GPC6: variants seen among roughly 807,000 people sequenced by gnomAD.
GPC6 encodes the protein glypican-6.
Under a neutral mutation model 55.2 loss-of-function variants are expected in GPC6, and 14 were observed. The ratio of observed to expected loss-of-function variants is 0.25; its 90% CI spans 0.17 to 0.40. The LOEUF (loss-of-function observed/expected upper bound fraction) is 0.40, where lower values mean the gene tolerates loss of function less well. Ranked by LOEUF, GPC6 falls within the 10% of genes least tolerant of loss-of-function variation. The pLI is 1.00. For missense variants in GPC6, 641 were observed against 708.5 expected, an observed-to-expected ratio of 0.90 and a Z score of 1.08; for synonymous variants, 278 against 259.6, an observed-to-expected ratio of 1.07 and a Z score of -0.68.
chr13:94,070,907 T>C (rs934285128), intron 4 of GPC6, among the ~76,000 whole-genome samples: 13 of 151,744 alleles, frequency 8.6e-5, no homozygotes, highest in Non-Finnish European at 7.4e-5. Context: ...CCAACAAGAA[T>C]ACAAAGGAAA....
intron 4 of GPC6, among the ~76,000 whole-genome samples, chr13:94,120,323 A>G (rs1009480533): frequency 1.3e-5 from 2 of 152,106 alleles, no homozygotes; most frequent in East Asian, 3.9e-4. Flanking sequence ...AGGATTCAGC[A>G]GAAAACATTT....
chr13:94,183,734 T>C (rs538778521), intron 4 of GPC6, among the ~76,000 whole-genome samples: 2 of 152,322 alleles, frequency 1.3e-5, no homozygotes, highest in African/African-American at 2.4e-5. Flanking sequence ...TAATTGTTTC[T>C]TAGGATTCTT....
chr13:93,484,183 T>C (rs1879619121), intron 1 of GPC6, among the ~76,000 whole-genome samples: 2 of 152,186 alleles, frequency 1.3e-5, no homozygotes, highest in South Asian at 4.1e-4. Context: ...ATTCTCTCAC[T>C]ACTTGATGTA....
chr13:94,027,414 C>T (rs1032960179), intron 3 of GPC6, among the ~76,000 whole-genome samples: 17 of 152,126 alleles, frequency 1.1e-4, no homozygotes, highest in African/African-American at 3.6e-4. Flanking sequence ...ATAATACCTA[C>T]GTTTTTATGG....
intron 2 of GPC6, among the ~76,000 whole-genome samples, chr13:93,763,001 T>C (rs1275235512): frequency 1.3e-5 from 2 of 152,216 alleles, no homozygotes; most frequent in African/African-American, 2.4e-5. Context: ...GAGGCCCAGT[T>C]AGCTGGAGTG....
intron 3 of GPC6, among the ~76,000 whole-genome samples, chr13:94,014,349 T>C (rs1385827216): frequency 6.6e-6 from 1 of 152,182 alleles, no homozygotes; most frequent in African/African-American, 2.4e-5. Context: ...TCAGGGTTGA[T>C]ATTATTTAGA....
At chr13:94,272,134 G>A (rs1892047221) in intron 4 of GPC6, among the ~76,000 whole-genome samples, 2 of 151,894 alleles carry the variant, frequency 1.3e-5, no homozygotes, top group Admixed American at 6.6e-5. Flanking sequence ...AGGAAAAAAG[G>A]GCTCCCATTG....
chr13:93,309,911 G>A (rs1879007798), intron 1 of GPC6, among the ~76,000 whole-genome samples: 1 of 152,148 alleles, frequency 6.6e-6, no homozygotes, highest in South Asian at 2.1e-4. Flanking sequence ...GCATCTACTT[G>A]TATTGTAAAA....
rs374295248 is a variant in GPC6 at position 93,924,114 on chromosome 13, C to T, written c.711+93569C>T. On this transcript the variant is annotated intron_variant, in intron 3 of 8. Coordinates refer to ENST00000377047, the MANE Select transcript of GPC6 (RefSeq NM_005708.5). ...AGTCTACTGGCAACTTTCTAAATTA[C>T]GGGGTCTGTGAGCTCCTAAGTTATG... 5.3e-5 allele frequency among the ~76,000 whole-genome samples: 8 copies of T among 152,322 alleles called. No homozygotes were observed. In the East Asian group the frequency reaches 1.2e-3, roughly 22 times the overall value.
intron 2 of GPC6, among the ~76,000 whole-genome samples, chr13:93,717,232 G>A (rs1374519106): frequency 2.0e-5 from 3 of 151,626 alleles, no homozygotes; most frequent in Non-Finnish European, 4.4e-5. Context: ...TTCAACTTGA[G>A]TACTGTAGTT....
intron 5 of GPC6, among the ~76,000 whole-genome samples, chr13:94,289,311 T>C (rs993327325): frequency 1.3e-5 from 2 of 152,200 alleles, no homozygotes; most frequent in Non-Finnish European, 2.9e-5. Context: ...CCAGTTTGTC[T>C]TGAGTCTGCT....
chr13:93,311,121 A>T (rs1879051355), intron 1 of GPC6, among the ~76,000 whole-genome samples: 1 of 152,018 alleles, frequency 6.6e-6, no homozygotes, highest in Non-Finnish European at 1.5e-5. Context: ...TAAAGTCTAG[A>T]CCTCCGGCAT....
At chr13:94,033,631 C>T (rs1377281987) in intron 4 of GPC6, among the ~76,000 whole-genome samples, 1 of 152,208 alleles carries the variant, frequency 6.6e-6, no homozygotes, top group Non-Finnish European at 1.5e-5. Flanking sequence ...CTTTCAAAGA[C>T]CTTCTCAGGC....
intron 1 of GPC6, among the ~76,000 whole-genome samples, chr13:93,375,419 C>T (rs563485322): frequency 2.7e-4 from 41 of 152,292 alleles, no homozygotes; most frequent in African/African-American, 5.5e-4. Context: ...CACTATCAGA[C>T]GGCGTGGAGT....
intron 1 of GPC6, among the ~76,000 whole-genome samples, chr13:93,344,516 A>G (rs1331402077): frequency 2.0e-5 from 3 of 152,152 alleles, no homozygotes; most frequent in African/African-American, 7.2e-5. Flanking sequence ...AGTAGGCTAC[A>G]TCGTTTCTGA....
intron 2 of GPC6, among the ~76,000 whole-genome samples, chr13:93,766,490 G>T (rs200410520): frequency 6.6e-6 from 1 of 151,964 alleles, no homozygotes; most frequent in East Asian, 1.9e-4. Context: ...TATGTTAAGT[G>T]TTCTTACTAT....
At chr13:94,106,253 G>A (rs2138833110) in intron 4 of GPC6, among the ~76,000 whole-genome samples, 1 of 152,366 alleles carries the variant, frequency 6.6e-6, no homozygotes, top group East Asian at 1.9e-4. Context: ...CCAAGTGTGA[G>A]AAATCACAAT....
intron 1 of GPC6, among the ~76,000 whole-genome samples, chr13:93,470,117 A>T: frequency 6.6e-6 from 1 of 152,076 alleles, no homozygotes; most frequent in East Asian, 1.9e-4. Flanking sequence ...TCCCAAATAA[A>T]TTTTAAAATC....
intron 4 of GPC6, among the ~76,000 whole-genome samples, chr13:94,267,029 A>G (rs1891839701): frequency 6.6e-6 from 1 of 152,198 alleles, no homozygotes; most frequent in Non-Finnish European, 1.5e-5. Context: ...TAAGTCTTCT[A>G]AATTTTTTAC....
Sources: allele counts gnomAD v4.1 joint callset (sites outside exome capture counted in the v4.1 genomes callset), GRCh38; gene constraint gnomAD v4.1.1; transcripts MANE v1.5; gene names NCBI Gene and HGNC (gene_info 2026-07-23, HGNC 2026-07-21).